The following PTPRT variants were observed in gnomAD, a reference collection of about 807,000 sequenced individuals.
PTPRT encodes the protein receptor-type tyrosine-protein phosphatase T.
In PTPRT, 56 loss-of-function variants were observed where a neutral mutation model predicts 176.8. That is an observed-to-expected ratio of 0.32 (90% CI 0.26 to 0.40). The LOEUF (loss-of-function observed/expected upper bound fraction) is 0.40. Ranked by LOEUF, PTPRT falls within the 10% of genes least tolerant of loss-of-function variation. The pLI, the probability that PTPRT is intolerant of heterozygous loss-of-function variation, is 1.00. For synonymous variants in PTPRT, 783 were observed against 739.0 expected, an observed-to-expected ratio of 1.06 and a Z score of -0.96; for missense variants, 1,540 against 1,908.2, an observed-to-expected ratio of 0.81 and a Z score of 3.60.
intron 9 of PTPRT, among the ~76,000 whole-genome samples, chr20:42,439,524 C>A (rs938697099): frequency 6.6e-6 from 1 of 152,194 alleles, no homozygotes; most frequent in Non-Finnish European, 1.5e-5. Context: ...TAACACTTAG[C>A]AACTGCCTGT....
At chr20:42,432,147 T>G (rs937871749) in intron 9 of PTPRT, among the ~76,000 whole-genome samples, 2 of 152,184 alleles carry the variant, frequency 1.3e-5, no homozygotes, top group Non-Finnish European at 2.9e-5. Context: ...CCATCCTCAG[T>G]TCCCACCTTC....
chr20:42,910,951 G>A (rs1181103318), intron 1 of PTPRT, among the ~76,000 whole-genome samples: 2 of 152,126 alleles, frequency 1.3e-5, no homozygotes, highest in African/African-American at 2.4e-5. Flanking sequence ...CAGCAGGAAG[G>A]AGAAGTGCCG....
chr20:42,641,116 A>T (rs1169683859), intron 7 of PTPRT, among the ~76,000 whole-genome samples: 1 of 152,132 alleles, frequency 6.6e-6, no homozygotes, highest in African/African-American at 2.4e-5. Flanking sequence ...AATTTTTGCT[A>T]CCATAAATTG....
intron 15 of PTPRT, among the ~76,000 whole-genome samples, chr20:42,216,827 A>G (rs1026068984): frequency 6.6e-6 from 1 of 152,182 alleles, no homozygotes; most frequent in Admixed American, 6.5e-5. Context: ...TTTCTTCTGC[A>G]GGTAGTGCAT....
At chr20:42,363,832 C>G (rs888731995) in intron 9 of PTPRT, among the ~76,000 whole-genome samples, 11 of 152,054 alleles carry the variant, frequency 7.2e-5, no homozygotes, top group South Asian at 2.1e-4. Flanking sequence ...GGCTTGGAAC[C>G]CCGGCAGTAT....
chr20:42,958,589 C>T (rs1340018700), intron 1 of PTPRT, among the ~76,000 whole-genome samples: 1 of 152,112 alleles, frequency 6.6e-6, no homozygotes. Flanking sequence ...AGTGACCTCA[C>T]CAACCCTACA....
chr20:42,800,122 C>A (rs1029677092), intron 2 of PTPRT, among the ~76,000 whole-genome samples: 7 of 152,200 alleles, frequency 4.6e-5, no homozygotes, highest in Non-Finnish European at 8.8e-5. Flanking sequence ...CTTATATCAA[C>A]CCTATGAGGT....
intron 7 of PTPRT, among the ~76,000 whole-genome samples, chr20:42,505,750 C>T (rs564716152): frequency 6.6e-6 from 1 of 152,248 alleles, no homozygotes; most frequent in African/African-American, 2.4e-5. Context: ...TAATGCATCT[C>T]TGCAAATCAA....
rs1287665567 is a variant in PTPRT, at chr20:42,406,216, CAAT to C, written c.1560+42001_1560+42003del. 7.9e-5 allele frequency among the ~76,000 whole-genome samples: 12 copies of C among 151,182 alleles called. No homozygotes were observed. In the East Asian group the frequency reaches 2.1e-3, roughly 27 times the overall value. ...ATTATTTTCTTTTTAGCGAAGTAAACAATAATAATGACATAAAGAAAAAACATG... is the reference window on the plus strand; with the variant it reads ...ATTATTTTCTTTTTAGCGAAGTAAACAATAATGACATAAAGAAAAAACATG... On this transcript the variant is annotated intron_variant, in intron 9 of 30. Coordinates refer to ENST00000373187, the MANE Select transcript of PTPRT (RefSeq NM_007050.6).
intron 7 of PTPRT, among the ~76,000 whole-genome samples, chr20:42,481,062 T>C (rs172981): frequency 0.082 from 12,471 of 152,088 alleles, 551 homozygotes; most frequent in Middle Eastern, 0.11. Flanking sequence ...AGTAAATATT[T>C]AAGGTTTTGC....
intron 6 of PTPRT, among the ~76,000 whole-genome samples, chr20:42,711,445 A>C (rs1042369796): frequency 1.3e-5 from 2 of 152,034 alleles, no homozygotes; most frequent in African/African-American, 4.8e-5. Context: ...GGTTGTTTAA[A>C]AGAGCCCAGC....
At chr20:42,713,712 A>C (rs2076180738) in intron 6 of PTPRT, among the ~76,000 whole-genome samples, 1 of 152,146 alleles carries the variant, frequency 6.6e-6, no homozygotes, top group African/African-American at 2.4e-5. Context: ...AGGTGACTGG[A>C]TCATGGGAGC....
chr20:42,449,251 G>A (rs2070784598), intron 8 of PTPRT, among the ~76,000 whole-genome samples: 1 of 152,136 alleles, frequency 6.6e-6, no homozygotes, highest in Non-Finnish European at 1.5e-5. Context: ...TTTGTTGGTT[G>A]GATGAATAGG....
At chr20:43,058,292 G>C (rs2146246681) in intron 1 of PTPRT, among the ~76,000 whole-genome samples, 1 of 152,168 alleles carries the variant, frequency 6.6e-6, no homozygotes, top group East Asian at 1.9e-4. Flanking sequence ...AAAGTAGTGA[G>C]AGAGATCGGG....
intron 1 of PTPRT, among the ~76,000 whole-genome samples, chr20:43,014,460 G>A (rs1399925183): frequency 1.3e-5 from 2 of 152,156 alleles, no homozygotes; most frequent in African/African-American, 4.8e-5. Flanking sequence ...TGGGTACCAA[G>A]GGACAGGGCA....
intron 7 of PTPRT, among the ~76,000 whole-genome samples, chr20:42,487,080 G>A (rs566683308): frequency 2.0e-5 from 3 of 152,176 alleles, no homozygotes; most frequent in Non-Finnish European, 2.9e-5. Flanking sequence ...TTGATCCCCC[G>A]AGGGAGGAAA....
intron 9 of PTPRT, among the ~76,000 whole-genome samples, chr20:42,417,770 C>T (rs1429021065): frequency 6.6e-6 from 1 of 151,510 alleles, no homozygotes; most frequent in African/African-American, 2.4e-5. Flanking sequence ...CAAAGTCTCA[C>T]TCTCTCACCC....
intron 7 of PTPRT, among the ~76,000 whole-genome samples, chr20:42,539,300 C>G (rs937246081): frequency 2.6e-5 from 4 of 151,506 alleles, no homozygotes; most frequent in African/African-American, 9.7e-5. Flanking sequence ...GAAAATAACC[C>G]TGTTGCTCCT....
intron 12 of PTPRT, among the ~76,000 whole-genome samples, chr20:42,305,087 T>C (rs1254128724): frequency 6.6e-6 from 1 of 152,178 alleles, no homozygotes; most frequent in Non-Finnish European, 1.5e-5. Context: ...GTGCAGTGGC[T>C]CCTGCTTGTA....
Sources: allele counts gnomAD v4.1 joint callset (sites outside exome capture counted in the v4.1 genomes callset), GRCh38; gene constraint gnomAD v4.1.1; transcripts MANE v1.5; gene names NCBI Gene and HGNC (gene_info 2026-07-23, HGNC 2026-07-21).